Variants in CDH4 observed in about 807,000 individuals in gnomAD.
The protein encoded by CDH4 is cadherin 4, also known as cadherin-4.
A neutral mutation model predicts 86.0 loss-of-function variants in CDH4; 33 were observed. The ratio of observed to expected loss-of-function variants is 0.38; its 90% confidence interval spans 0.29 to 0.51. The LOEUF (loss-of-function observed/expected upper bound fraction) is 0.51. CDH4 is among the 20% of genes least tolerant of loss of function. CDH4 has a pLI of 0.86. For synonymous variants in CDH4, 555 were observed against 549.4 expected, an observed-to-expected ratio of 1.01 and a Z score of -0.14; for missense variants, 1,114 against 1,307.4, an observed-to-expected ratio of 0.85 and a Z score of 2.28.
intron 2 of CDH4, among the ~76,000 whole-genome samples, chr20:61,447,469 C>T (rs930390796): frequency 1.3e-5 from 2 of 151,810 alleles, no homozygotes; most frequent in African/African-American, 2.4e-5. Flanking sequence ...CCAGTGTGCC[C>T]GACCTATTCA....
intron 2 of CDH4, among the ~76,000 whole-genome samples, chr20:61,483,442 T>A (rs2085578728): frequency 6.6e-6 from 1 of 152,196 alleles, no homozygotes; most frequent in Non-Finnish European, 1.5e-5. Context: ...ACGGTTATGG[T>A]TACAAGAATT....
chr20:61,265,696 C>A (rs1488825391), intron 2 of CDH4, among the ~76,000 whole-genome samples: 1 of 152,236 alleles, frequency 6.6e-6, no homozygotes, highest in Non-Finnish European at 1.5e-5. Context: ...TTACACAGAC[C>A]TCAGTGGTTC....
At chr20:61,665,363 C>A (rs1445379153) in intron 2 of CDH4, among the ~76,000 whole-genome samples, 2 of 152,220 alleles carry the variant, frequency 1.3e-5, no homozygotes, top group Non-Finnish European at 2.9e-5. Context: ...ATGGCATACC[C>A]AACAATTTGA....
At chr20:61,594,181 T>C (rs568309375) in intron 2 of CDH4, among the ~76,000 whole-genome samples, 1 of 49,330 alleles carries the variant, frequency 2.0e-5, no homozygotes. Context: ...GGAAAGGGGG[T>C]GGGGGACTGA....
intron 2 of CDH4, among the ~76,000 whole-genome samples, chr20:61,639,600 T>C (rs1407979431): frequency 3.6e-4 from 55 of 152,322 alleles, no homozygotes; most frequent in South Asian, 2.1e-4. Context: ...GCAACATTAT[T>C]GTGGGGCAGA....
intron 2 of CDH4, among the ~76,000 whole-genome samples, chr20:61,741,212 A>C (rs188658930): frequency 7.6e-4 from 115 of 152,254 alleles, no homozygotes; most frequent in African/African-American, 2.6e-3. Flanking sequence ...CCATCTCAAA[A>C]AACAACAACA....
chr20:61,548,496 A>C lies in CDH4; in HGVS notation c.170-195067A>C, dbSNP rs73914844. On this transcript the variant is annotated intron_variant, in intron 2 of 15. Coordinates refer to ENST00000614565, the MANE Select transcript of CDH4 (RefSeq NM_001794.5). ...CCCCGCCCCCCCATTACAGCCCTCG[A>C]ATATTTTAAAATTTAATATGGAACT... is the stretch of plus-strand genomic sequence containing the variant. 2.2e-3 allele frequency among the ~76,000 whole-genome samples: 337 copies of C among 152,184 alleles called. 1 individual carries two copies. The highest frequency in any genetic ancestry group is 7.8e-3 in the African/African-American group (323 of 41,504).
intron 2 of CDH4, among the ~76,000 whole-genome samples, chr20:61,475,391 A>G (rs1299830558): frequency 6.7e-6 from 1 of 149,050 alleles, no homozygotes; most frequent in Non-Finnish European, 1.5e-5. Flanking sequence ...GTTCTGAACT[A>G]GAATCCTCAG....
At chr20:61,680,202 G>A (rs1225838843) in intron 2 of CDH4, among the ~76,000 whole-genome samples, 5 of 152,204 alleles carry the variant, frequency 3.3e-5, no homozygotes, top group Admixed American at 3.3e-4. Flanking sequence ...ACCACCCCCT[G>A]CCCCTGTCCT....
At chr20:61,271,401 G>A (rs1180739556) in intron 2 of CDH4, among the ~76,000 whole-genome samples, 6 of 152,208 alleles carry the variant, frequency 3.9e-5, no homozygotes, top group Admixed American at 2.6e-4. Context: ...TGACAATGGC[G>A]CTCCTTCTTC....
chr20:61,301,071 G>A (rs1399954007), intron 2 of CDH4, among the ~76,000 whole-genome samples: 1 of 152,228 alleles, frequency 6.6e-6, no homozygotes, highest in Non-Finnish European at 1.5e-5. Context: ...TGTGCCCGGG[G>A]CTGCGCCCAA....
At chr20:61,889,178 G>A (rs564312206) in intron 7 of CDH4, among the ~76,000 whole-genome samples, 3 of 152,270 alleles carry the variant, frequency 2.0e-5, no homozygotes, top group East Asian at 3.9e-4. Context: ...TTGCACTTCC[G>A]TAGAAGCCTC....
intron 2 of CDH4, among the ~76,000 whole-genome samples, chr20:61,473,745 A>G (rs2085519108): frequency 6.6e-6 from 1 of 152,174 alleles, no homozygotes; most frequent in African/African-American, 2.4e-5. Context: ...ATACACACAC[A>G]CAGACACGCA....
intron 2 of CDH4, among the ~76,000 whole-genome samples, chr20:61,406,703 G>T (rs2085085713): frequency 7.4e-6 from 1 of 135,232 alleles, no homozygotes; most frequent in African/African-American, 2.9e-5. Context: ...TCTGCCATCT[G>T]CTCTGCCTGG....
intron 8 of CDH4, among the ~76,000 whole-genome samples, chr20:61,898,076 G>A (rs905476146): frequency 1.3e-5 from 2 of 152,168 alleles, no homozygotes; most frequent in Non-Finnish European, 2.9e-5. Flanking sequence ...GTAAATACTC[G>A]GGGTTAGGAT....
chr20:61,405,757 A>C (rs1246273216), intron 2 of CDH4, among the ~76,000 whole-genome samples: 1 of 151,182 alleles, frequency 6.6e-6, no homozygotes, highest in Non-Finnish European at 1.5e-5. Flanking sequence ...GCAGTGGCGC[A>C]ATTTCAGCTC....
chr20:61,723,954 C>A (rs2088077376), intron 2 of CDH4, among the ~76,000 whole-genome samples: 1 of 135,114 alleles, frequency 7.4e-6, no homozygotes, highest in African/African-American at 2.8e-5. Flanking sequence ...ATGCAGGGGG[C>A]ACAGGATGGA....
intron 2 of CDH4, among the ~76,000 whole-genome samples, chr20:61,450,577 C>T (rs764913781): frequency 2.6e-5 from 4 of 152,070 alleles, no homozygotes; most frequent in African/African-American, 4.8e-5. Flanking sequence ...AATATGCTTT[C>T]GGTTTTGCAA....
intron 2 of CDH4, among the ~76,000 whole-genome samples, chr20:61,511,799 C>T (rs1369349766): frequency 1.3e-5 from 2 of 152,144 alleles, no homozygotes; most frequent in Non-Finnish European, 2.9e-5. Context: ...GGTGCCTTCC[C>T]ATATCTTGGT....
Sources: allele counts gnomAD v4.1 joint callset (sites outside exome capture counted in the v4.1 genomes callset), GRCh38; gene constraint gnomAD v4.1.1; transcripts MANE v1.5; gene names NCBI Gene and HGNC (gene_info 2026-07-23, HGNC 2026-07-21).